Variants in POTEH observed in about 807,000 individuals in gnomAD.
POTEH encodes the protein ANKRD26-like family C member 3.
Under a neutral mutation model 41.7 loss-of-function variants are expected in POTEH, and 6 were observed. The ratio of observed to expected loss-of-function variants is 0.14; its 90% CI spans 0.08 to 0.28. The LOEUF (loss-of-function observed/expected upper bound fraction) is 0.28, where lower values mean the gene tolerates loss of function less well. Ranked by LOEUF, POTEH falls within the 10% of genes least tolerant of loss-of-function variation. POTEH has a pLI of 1.00. For missense variants in POTEH, 115 were observed against 533.5 expected, an observed-to-expected ratio of 0.22 and a Z score of 7.73; for synonymous variants, 38 against 179.9, an observed-to-expected ratio of 0.21 and a Z score of 6.31.
At chr22:15,697,167 C>T (rs1022315333) in intron 3 of POTEH, among the ~76,000 whole-genome samples, 7 of 146,284 alleles carry the variant, frequency 4.8e-5, no homozygotes, top group African/African-American at 7.7e-5. Context: ...TCTCTAAAAA[C>T]GACAGCAACA....
intron 6 of POTEH, among the ~76,000 whole-genome samples, chr22:15,705,407 A>T (rs10154572): frequency 5.0e-4 from 69 of 138,958 alleles, no homozygotes; most frequent in East Asian, 1.5e-3. Context: ...GTTTAGCTTA[A>T]TTTTTTTCCC....
At chr22:15,710,492 T>G (rs1184468240) in intron 8 of POTEH, among the ~76,000 whole-genome samples, 4 of 152,260 alleles carry the variant, frequency 2.6e-5, no homozygotes, top group African/African-American at 9.7e-5. Context: ...TGAAGACACA[T>G]TTTGCATCTT....
intron 7 of POTEH, among the ~76,000 whole-genome samples, chr22:15,708,689 T>G (rs1200420830): frequency 1.3e-4 from 17 of 131,362 alleles, no homozygotes; most frequent in African/African-American, 4.7e-4. Context: ...TATTCTTATC[T>G]GCCTTCTTGA....
At chr22:15,708,721 C>G (rs1282066204) in intron 7 of POTEH, among the ~76,000 whole-genome samples, 2 of 88,922 alleles carry the variant, frequency 2.2e-5, no homozygotes, top group East Asian at 1.4e-3. Context: ...CTAATCTTTC[C>G]TTTTGGAATA....
At chr22:15,717,820 C>A (rs1335481075) in intron 9 of POTEH, among the ~76,000 whole-genome samples, 1 of 152,058 alleles carries the variant, frequency 6.6e-6, no homozygotes, top group Non-Finnish European at 1.5e-5. Flanking sequence ...TATTTATTTT[C>A]ATTTTTGTTG....
chr22:15,697,824 G>A (rs1417304468), intron 3 of POTEH, among the ~76,000 whole-genome samples: 1 of 149,450 alleles, frequency 6.7e-6, no homozygotes, highest in Non-Finnish European at 1.5e-5. Context: ...AATAAGTAGA[G>A]GATGGCCCTC....
intron 9 of POTEH, among the ~76,000 whole-genome samples, chr22:15,714,543 C>G (rs1329899264): frequency 6.6e-6 from 1 of 152,034 alleles, no homozygotes; most frequent in South Asian, 2.1e-4. Flanking sequence ...AGTCACACCT[C>G]TGCACTTAGC....
At chr22:15,719,526 T>TTAACAAGTTAACA (rs1989984220) in intron 9 of POTEH, 134 bp from the exon 10 acceptor site, 2 of 676,702 alleles carry the variant, frequency 3.0e-6, no homozygotes, top group Non-Finnish European at 5.0e-6. Context: ...TTAACAGATG[T>TTAACAAGTTAACA]GAGACCCCTT....
chr22:15,692,767 A>AAAAAAAG (rs1245863794), intron 1 of POTEH, among the ~76,000 whole-genome samples: 4 of 127,360 alleles, frequency 3.1e-5, no homozygotes, highest in African/African-American at 1.1e-4. Flanking sequence ...AAAAAAAAAA[A>AAAAAAAG]GCATGAAATA....
intron 4 of POTEH, chr22:15,699,685 G>A: frequency 4.1e-6 from 1 of 245,282 alleles, no homozygotes; most frequent in Non-Finnish European, 7.8e-6. Flanking sequence ...CTTGCTTTCA[G>A]CATGCAGAGA....
chr22:15,690,360 A>C lies in POTEH; in HGVS notation c.283A>C (p.Arg95=). 1 of 1,388,856 alleles carries C rather than the reference A, an allele frequency of 7.2e-7. No individual in the cohort carries two copies. The highest frequency in any genetic ancestry group is 1.0e-6 in the Non-Finnish European group (1 of 1,003,712). 86.0% of individuals were successfully genotyped at this position (1,388,856 alleles called of 1,614,324 possible). ...CGACGATTCTGCTATGAAGACACTC[A>C]GGAGCAAGATGGGCAAGTGGTGCTG... ...DHDDSAMKTL[R]SKMGKWCCHC... is the part of the protein sequence containing the mutation. The change falls in exon 1 of 11, where the codon AGG becomes CGG. Residue 95 remains arginine, a synonymous_variant. Coordinates refer to ENST00000343518, the MANE Select transcript of POTEH (RefSeq NM_001136213.1).
At chr22:15,714,538 C>T (rs1346212327) in intron 9 of POTEH, among the ~76,000 whole-genome samples, 4 of 152,040 alleles carry the variant, frequency 2.6e-5, no homozygotes, top group African/African-American at 9.7e-5. Flanking sequence ...ACTCCAGTCA[C>T]ACCTCTGCAC....
At chr22:15,712,836 T>C (rs551449957) in intron 9 of POTEH, among the ~76,000 whole-genome samples, 2 of 145,968 alleles carry the variant, frequency 1.4e-5, no homozygotes, top group South Asian at 4.9e-4. Context: ...CAAGAAATAT[T>C]CTCGTTGAGA....
intron 3 of POTEH, among the ~76,000 whole-genome samples, chr22:15,698,057 A>AT (rs1989469627): frequency 6.7e-6 from 1 of 150,050 alleles, no homozygotes; most frequent in Non-Finnish European, 1.5e-5. Flanking sequence ...AAGAATGCAG[A>AT]TAGGAATTCT....
intron 1 of POTEH, among the ~76,000 whole-genome samples, chr22:15,692,482 G>T (rs1369234006): frequency 2.0e-4 from 29 of 145,074 alleles, no homozygotes; most frequent in African/African-American, 7.2e-4. Flanking sequence ...AAGGCCAGGT[G>T]CAGTGGCTTA....
In POTEH at chr22:15,691,388, C is replaced by T. The variant is rs111728627; in HGVS notation, c.632+679C>T. ...AAATATAAAAAAAATTAGCTGGACGCGGTGGCAGGCACCTGTAGTCCCAGC... is the reference window on the plus strand; with the variant it reads ...AAATATAAAAAAAATTAGCTGGACGTGGTGGCAGGCACCTGTAGTCCCAGC... On this transcript the variant is annotated intron_variant, in intron 1 of 10. Transcript: ENST00000343518. Among the ~76,000 whole-genome samples, 439 of 114,468 alleles carry T rather than the reference C, an allele frequency of 3.8e-3. 8 individuals are homozygous for T. Among genetic ancestry groups the T allele is most frequent in the East Asian group, 0.011 (50 of 4,684 alleles). 75.1% of individuals were successfully genotyped at this position (114,468 alleles called of 152,430 possible). A position where few individuals can be genotyped will look rare whatever the true frequency, so the allele number is the denominator to read the frequency against.
intron 1 of POTEH, among the ~76,000 whole-genome samples, chr22:15,692,292 A>G (rs1457897541): frequency 2.1e-5 from 3 of 145,300 alleles, no homozygotes; most frequent in African/African-American, 4.9e-5. Context: ...GGCGTGAGCC[A>G]CCATGCCTGG....
chr22:15,699,199 TAA>T (rs1195404821), intron 4 of POTEH, among the ~76,000 whole-genome samples: 29 of 148,140 alleles, frequency 2.0e-4, no homozygotes, highest in African/African-American at 7.3e-4. Context: ...GATTCTGCCT[TAA>T]GTTGCTTTCT....
chr22:15,704,086 T>C (rs1245650237), intron 6 of POTEH, among the ~76,000 whole-genome samples: 84 of 149,520 alleles, frequency 5.6e-4, no homozygotes, highest in African/African-American at 2.1e-3. Flanking sequence ...AATTATGATT[T>C]ATTATATATT....
Sources: allele counts gnomAD v4.1 joint callset (sites outside exome capture counted in the v4.1 genomes callset), GRCh38; gene constraint gnomAD v4.1.1; transcripts MANE v1.5; gene names NCBI Gene and HGNC (gene_info 2026-07-23, HGNC 2026-07-21).